Variants in PIGX observed in about 807,000 individuals in gnomAD.
The protein encoded by PIGX is GPI alpha-1,4-mannosyltransferase I, stabilizing subunit.
PIGX carries 24 observed loss-of-function variants against 28.7 expected under a neutral mutation model. That is an observed-to-expected ratio of 0.84 (90% CI 0.60 to 1.17). PIGX has a LOEUF of 1.17. PIGX is among the 50% of genes most tolerant of loss of function. The pLI is 0.00. For missense variants in PIGX, 305 were observed against 317.8 expected (o/e 0.96, Z 0.31); for synonymous variants, 127 against 121.0 (o/e 1.05, Z -0.33).
intron 3 of PIGX, among the ~76,000 whole-genome samples, chr3:196,722,919 CTAATATT>C (rs1227310360): frequency 3.3e-5 from 5 of 152,270 alleles, no homozygotes; most frequent in African/African-American, 1.2e-4. Flanking sequence ...GGAGAAGAAA[CTAATATT>C]TAATAGATGT....
intron 3 of PIGX, among the ~76,000 whole-genome samples, chr3:196,725,406 G>A (rs1712482734): frequency 6.6e-6 from 1 of 152,144 alleles, no homozygotes; most frequent in African/African-American, 2.4e-5. Context: ...AAGTAAGTAA[G>A]GTGAGCCCTA....
At chr3:196,719,541 G>T (rs1315013057) in intron 2 of PIGX, among the ~76,000 whole-genome samples, 1 of 152,060 alleles carries the variant, frequency 6.6e-6, no homozygotes, top group Non-Finnish European at 1.5e-5. Context: ...TTGCTTTAGG[G>T]TTTACAACCT....
In PIGX at chr3:196,723,302, T is replaced by TTGCACTCCA. The variant is rs578189148; in HGVS notation, c.318+747_318+755dup. ...GTTGCAGTGAGCCGAGATCGCATCA[T>TTGCACTCCA]TGCACTCCAGCCTGGGTGACAGAAT... is the stretch of plus-strand genomic sequence containing the variant. On this transcript the variant is annotated intron_variant, in intron 3 of 5. Transcript: ENST00000392391. 2.6e-3 allele frequency among the ~76,000 whole-genome samples: 392 copies of TTGCACTCCA among 152,224 alleles called. 1 individual carries two copies. Among genetic ancestry groups the TTGCACTCCA allele is most frequent in the African/African-American group, 9.0e-3 (374 of 41,536 alleles).
chr3:196,721,306 A>C (rs1712313809), intron 2 of PIGX: 2 of 212,358 alleles, frequency 9.4e-6, no homozygotes, highest in African/African-American at 2.4e-5. Flanking sequence ...TGTGTCTCCA[A>C]GTCACTGATC....
chr3:196,729,039 A>G (rs1712635281), intron 4 of PIGX, among the ~76,000 whole-genome samples: 1 of 152,122 alleles, frequency 6.6e-6, no homozygotes, highest in African/African-American at 2.4e-5. Flanking sequence ...TAAACTGAAA[A>G]ATCAGCTTTT....
intron 1 of PIGX, among the ~76,000 whole-genome samples, chr3:196,714,874 G>A (rs946338487): frequency 6.6e-6 from 1 of 152,086 alleles, no homozygotes; most frequent in African/African-American, 2.4e-5. Flanking sequence ...TCAGGAGATC[G>A]AGACCAGCCT....
intron 1 of PIGX, among the ~76,000 whole-genome samples, chr3:196,714,916 A>G (rs1424544798): frequency 6.6e-6 from 1 of 152,098 alleles, no homozygotes; most frequent in Admixed American, 6.5e-5. Context: ...TCTCTACTAA[A>G]AATACAAGAA....
At chr3:196,721,183 CA>C in intron 2 of PIGX, 2 of 375,068 alleles carry the variant, frequency 5.3e-6, no homozygotes, top group South Asian at 4.0e-5. Context: ...TTAGGAACTC[CA>C]AATATATGTA....
rs1278660352 is a variant in PIGX, at chr3:196,728,052, T to TG, written c.449dup (p.Cys150TrpfsTer9). The TG allele has an allele frequency of 1.2e-6, 2 of 1,614,046 alleles. No individual in the cohort carries two copies. The highest frequency in any genetic ancestry group is 1.7e-6 in the Non-Finnish European group (2 of 1,179,998). On this transcript the variant is annotated frameshift_variant, in exon 4 of 6. Transcript: ENST00000392391. LOFTEE classifies it high-confidence loss of function. Reference sequence around the variant, plus strand: ...TTTTCAAGCCTTTTTGCCTGTGCACTGCCGCTATCATCGGCCGCACAGTGA... The same window carrying TG: ...TTTTCAAGCCTTTTTGCCTGTGCACTGGCCGCTATCATCGGCCGCACAGTGA...
At chr3:196,731,883 G>A (rs772324086) in intron 5 of PIGX, among the ~76,000 whole-genome samples, 1 of 151,936 alleles carries the variant, frequency 6.6e-6, no homozygotes, top group Non-Finnish European at 1.5e-5. Context: ...CTGGAGTGCA[G>A]TGGTGCAATC....
At chr3:196,732,582 C>A (rs533376965) in intron 5 of PIGX, among the ~76,000 whole-genome samples, 1 of 151,854 alleles carries the variant, frequency 6.6e-6, no homozygotes, top group Non-Finnish European at 1.5e-5. Context: ...ACCCGGCCAA[C>A]TTTATATATA....
In PIGX at chr3:196,721,664, G is replaced by A. The variant is rs552647531; in HGVS notation, c.177-751G>A. Among the ~76,000 whole-genome samples, 5 of 151,892 alleles carry A rather than the reference G, an allele frequency of 3.3e-5. No homozygotes were observed. In the South Asian group the frequency reaches 1.0e-3, roughly 32 times the overall value. On this transcript the variant is annotated intron_variant, in intron 2 of 5. Transcript: ENST00000392391. ...TTGCTTAGGCTGGTCTCAAACTCCT[G>A]GCTTCAAATGATCCTCCTGCATCAT...
chr3:196,728,530 C>A (rs995670458), intron 4 of PIGX, among the ~76,000 whole-genome samples: 3 of 151,854 alleles, frequency 2.0e-5, no homozygotes, highest in African/African-American at 7.3e-5. Context: ...TTATAAAAAT[C>A]TATTATTTCC....
In PIGX at chr3:196,733,923, T is replaced by G. The variant is rs765228795; in HGVS notation, c.*21T>G. The G allele has an allele frequency of 6.9e-7, 1 of 1,439,990 alleles. No homozygotes were observed. The highest frequency in any genetic ancestry group is 1.2e-5 in the South Asian group (1 of 86,594). The allele number at this position is 1,439,990 out of a possible 1,614,324, so 89.2% of individuals were successfully genotyped here. ...TATAAGTTTTATGTAGTTAAATGCT[T>G]CCTAGAAACCTAAATAAGATCTATT... On this transcript the variant is annotated 3_prime_UTR_variant, in exon 6 of 6. Coordinates refer to ENST00000392391, the MANE Select transcript of PIGX (RefSeq NM_017861.4). This position sits in a 1 kb window ranked among gnomAD's most constrained non-coding sequence, Gnocchi z 4.3.
intron 2 of PIGX, among the ~76,000 whole-genome samples, chr3:196,719,283 TCTC>T (rs148127195): frequency 3.9e-4 from 55 of 140,156 alleles, no homozygotes; most frequent in African/African-American, 1.1e-3. Flanking sequence ...CATCTAGTCT[TCTC>T]CTTCTTTTCT....
intron 5 of PIGX, among the ~76,000 whole-genome samples, chr3:196,731,589 T>C (rs1485331407): frequency 1.3e-5 from 2 of 152,316 alleles, no homozygotes; most frequent in East Asian, 3.9e-4. Context: ...GTTGGGAAGA[T>C]GGATGACTCT....
In PIGX at chr3:196,717,747, A is replaced by G. The variant is rs151233906; in HGVS notation, c.176+826A>G. 1.5e-4 allele frequency: 23 copies of G among 152,316 alleles called. 1 individual carries two copies. The highest frequency in any genetic ancestry group is 3.9e-4 in the Admixed American group (6 of 15,290). The allele number at this position is 152,316 out of a possible 1,614,324, so 9.4% of individuals were successfully genotyped here. On this transcript the variant is annotated intron_variant, in intron 2 of 5. Coordinates refer to ENST00000392391, the MANE Select transcript of PIGX (RefSeq NM_017861.4). ...GCTCTGACTCTAGCTTAGTACTATT[A>G]TACTTCAAAGCCATCTCAAGTACTA... is the stretch of plus-strand genomic sequence containing the variant.
At chr3:196,732,367 C>T (rs1372393641) in intron 5 of PIGX, among the ~76,000 whole-genome samples, 37 of 146,916 alleles carry the variant, frequency 2.5e-4, no homozygotes, top group Admixed American at 9.6e-4. Context: ...CCACAACCTC[C>T]GCCTCCCGGG....
intron 1 of PIGX, among the ~76,000 whole-genome samples, chr3:196,713,791 C>T (rs1294733718): frequency 6.7e-6 from 1 of 148,616 alleles, no homozygotes; most frequent in Admixed American, 6.8e-5. Context: ...GAGCCGAGAT[C>T]GCGCCATTGC....
Sources: allele counts gnomAD v4.1 joint callset (sites outside exome capture counted in the v4.1 genomes callset), GRCh38; gene constraint gnomAD v4.1.1; non-coding constraint Gnocchi (gnomAD v3.1); transcripts MANE v1.5; gene names NCBI Gene and HGNC (gene_info 2026-07-23, HGNC 2026-07-21).